The following CEMIP2 variants were observed in gnomAD, a reference collection of about 807,000 sequenced individuals.
CEMIP2 encodes the protein cell migration inducing hyaluronidase 2, also known as cell surface hyaluronidase CEMIP2.
CEMIP2 carries 79 observed loss-of-function variants against 146.9 expected under a neutral mutation model. The observed-to-expected ratio is 0.54, with a 90% CI of 0.45 to 0.65. The LOEUF (loss-of-function observed/expected upper bound fraction) is 0.65. Ranked by LOEUF, CEMIP2 falls within the 30% of genes least tolerant of loss-of-function variation. The probability of loss-of-function intolerance (pLI) is 0.00; values close to 1 mark genes in which losing one functional copy is unlikely to be tolerated. For synonymous variants in CEMIP2, 601 were observed against 606.3 expected, an observed-to-expected ratio of 0.99 and a Z score of 0.13; for missense variants, 1,596 against 1,696.2, an observed-to-expected ratio of 0.94 and a Z score of 1.04.
At chr9:71,720,838 G>A (rs1823213149) in intron 12 of CEMIP2, among the ~76,000 whole-genome samples, 1 of 152,070 alleles carries the variant, frequency 6.6e-6, no homozygotes. Context: ...TCCAAATGGA[G>A]TCCAATTCCT....
At chr9:71,746,055 T>G in intron 3 of CEMIP2, 146 bp downstream of exon 3, 11 of 913,912 alleles carry the variant, frequency 1.2e-5, no homozygotes, top group South Asian at 2.0e-5. Context: ...TTTTATCTCA[T>G]GATCTTTCCA....
chr9:71,723,458 G>T (rs1404279122), intron 11 of CEMIP2, among the ~76,000 whole-genome samples: 1 of 151,918 alleles, frequency 6.6e-6, no homozygotes, highest in Non-Finnish European at 1.5e-5. Context: ...GTGGAAAACA[G>T]ATAAAACGAA....
intron 6 of CEMIP2, among the ~76,000 whole-genome samples, chr9:71,734,062 G>A (rs572379151): frequency 4.6e-5 from 7 of 152,148 alleles, no homozygotes; most frequent in East Asian, 1.9e-4. Context: ...GGGCCGGGCC[G>A]GTCTCAAATG....
At position 71,732,347 on chromosome 9, in the gene CEMIP2, C is replaced by T; in HGVS notation, c.1563+4G>A. 1 of 1,587,690 alleles carries T rather than the reference C, an allele frequency of 6.3e-7. No individual in the cohort carries two copies. Among genetic ancestry groups the T allele is most frequent in the Admixed American group, 1.9e-5 (1 of 52,412 alleles). The stretch of plus-strand genomic sequence containing the variant: ...CAAAGAAATAATCAAATCCTTTTGC[C>T]TACCATAATGTGTCCCCCAAAGGTA... On this transcript the variant is annotated splice_donor_region_variant and intron_variant, in intron 7 of 23. Coordinates refer to ENST00000377044, the MANE Select transcript of CEMIP2 (RefSeq NM_013390.3).
At chr9:71,704,345 C>G (rs1428848995) in intron 18 of CEMIP2, 1 of 503,444 alleles carries the variant, frequency 2.0e-6, no homozygotes, top group African/African-American at 1.9e-5. Flanking sequence ...AGTATTAAAA[C>G]CTATCGTTGA....
At chr9:71,719,662 G>T (rs1334933999) in intron 12 of CEMIP2, among the ~76,000 whole-genome samples, 3 of 151,938 alleles carry the variant, frequency 2.0e-5, no homozygotes, top group Non-Finnish European at 2.9e-5. Flanking sequence ...TCCATCTTTA[G>T]ATTATATGGC....
intron 4 of CEMIP2, among the ~76,000 whole-genome samples, chr9:71,741,077 T>C (rs1823899861): frequency 6.6e-6 from 1 of 152,150 alleles, no homozygotes; most frequent in South Asian, 2.1e-4. Context: ...CTGGGAGTCT[T>C]ATCCTTCTTT....
intron 1 of CEMIP2, among the ~76,000 whole-genome samples, chr9:71,756,492 TCTCTCTCTCTCTCTCA>T (rs1824458898): frequency 2.9e-5 from 4 of 136,470 alleles, no homozygotes; most frequent in African/African-American, 8.2e-5. Context: ...TCTCTCTCTC[TCTCTCTCTCTCTCTCA>T]CACACACACA....
At chr9:71,709,601 C>T (rs140466147) in intron 16 of CEMIP2, 127 bp from the exon 17 acceptor site, 16 of 741,958 alleles carry the variant, frequency 2.2e-5, no homozygotes, top group Non-Finnish European at 3.6e-5. Context: ...AGTTACAGTT[C>T]ATAGTTGTCA....
chr9:71,711,829 T>A (rs973448643), intron 16 of CEMIP2, among the ~76,000 whole-genome samples: 1 of 152,294 alleles, frequency 6.6e-6, no homozygotes, highest in East Asian at 1.9e-4. Context: ...ACAACCTCTG[T>A]ATCATCACTT....
At chr9:71,723,147 A>C (rs1330246786) in intron 11 of CEMIP2, among the ~76,000 whole-genome samples, 1 of 151,558 alleles carries the variant, frequency 6.6e-6, no homozygotes, top group African/African-American at 2.4e-5. Context: ...AAAAAAAAAA[A>C]AAAAACAAAA....
chr9:71,685,494 GGCA>G, intron 23 of CEMIP2, 101 bp from the exon 24 acceptor site: 1 of 1,314,946 alleles, frequency 7.6e-7, no homozygotes, highest in Non-Finnish European at 1.0e-6. Flanking sequence ...GCAAAACAAA[GGCA>G]GCTATTAAAA....
At chr9:71,695,996 G>A (rs895990466) in intron 20 of CEMIP2, among the ~76,000 whole-genome samples, 1 of 151,990 alleles carries the variant, frequency 6.6e-6, no homozygotes, top group Non-Finnish European at 1.5e-5. Context: ...AAGTAAAAGC[G>A]ATGTTCCCAG....
chr9:71,767,528 G>A (rs1399131334), intron 1 of CEMIP2, among the ~76,000 whole-genome samples: 1 of 152,230 alleles, frequency 6.6e-6, no homozygotes, highest in Non-Finnish European at 1.5e-5. Context: ...GAGAATTCAA[G>A]TGAGCTGTTT....
At position 71,698,229 on chromosome 9, in the gene CEMIP2, T is replaced by G. The variant is rs1185693347; in HGVS notation, c.3378-25A>C. ...CCTGCACAAAACAGAAACCAATCCA[T>G]GTAGTTAGACTTATTCTCAAAAACT... On this transcript the variant is annotated intron_variant, in intron 19 of 23. Transcript: ENST00000377044. 3.7e-6 allele frequency: 6 copies of G among 1,605,884 alleles called. No individual in the cohort carries two copies. In the South Asian group the frequency reaches 4.4e-5, roughly 12 times the overall value.
intron 8 of CEMIP2, 133 bp from the exon 9 acceptor site, chr9:71,730,386 G>A: frequency 1.2e-6 from 1 of 856,144 alleles, no homozygotes; most frequent in Non-Finnish European, 1.8e-6. Context: ...TGGGCAAAGT[G>A]AAATGTCAGG....
chr9:71,697,318 G>A (rs1373692603), intron 20 of CEMIP2, among the ~76,000 whole-genome samples: 1 of 152,076 alleles, frequency 6.6e-6, no homozygotes, highest in Admixed American at 6.5e-5. Context: ...ATTTCCTTTG[G>A]AACTCCTTCT....
At chr9:71,716,262 C>A (rs1020131229) in intron 14 of CEMIP2, among the ~76,000 whole-genome samples, 1 of 151,952 alleles carries the variant, frequency 6.6e-6, no homozygotes, top group Admixed American at 6.6e-5. Context: ...TAGTCTAAAT[C>A]GCAAGTGTTT....
chr9:71,704,171 CT>C (rs1309976299), intron 18 of CEMIP2, among the ~76,000 whole-genome samples: 1 of 152,176 alleles, frequency 6.6e-6, no homozygotes, highest in South Asian at 2.1e-4. Context: ...AACTCTTTCA[CT>C]TCTTGCCCCT....
Sources: gnomAD v4.1 joint callset for allele counts (sites outside exome capture counted in the v4.1 genomes callset) on GRCh38, gnomAD v4.1.1 for gene constraint, MANE v1.5 for transcripts, NCBI Gene and HGNC (gene_info 2026-07-23, HGNC 2026-07-21) for gene names.